LCORL: variants seen among roughly 807,000 people sequenced by gnomAD.
LCORL encodes ligand dependent nuclear receptor corepressor like.
In LCORL, 41 loss-of-function variants were observed where a neutral mutation model predicts 141.8. The ratio of observed to expected loss-of-function variants is 0.29; its 90% CI spans 0.23 to 0.38. The LOEUF (loss-of-function observed/expected upper bound fraction) is 0.38. Among genes scored for constraint, LCORL ranks in the 10% least tolerant of loss-of-function variants. The pLI is 1.00. For synonymous variants in LCORL, 618 were observed against 694.1 expected (o/e 0.89, Z 1.72); for missense variants, 1,759 against 2,035.0 (o/e 0.86, Z 2.61).
intron 4 of LCORL, among the ~76,000 whole-genome samples, chr4:17,956,288 C>T (rs1712611523): frequency 6.6e-6 from 1 of 152,130 alleles, no homozygotes; most frequent in South Asian, 2.1e-4. Context: ...ACCATACAAT[C>T]TAGCAACCCC....
At chr4:17,877,811 A>G (rs1727078148) in exon 7 of LCORL, 12 of 1,230,606 alleles carry the variant, frequency 9.8e-6, no homozygotes, top group Admixed American at 4.2e-5. Flanking sequence ...TGTGAGAATT[A>G]TAACTGTCTG....
At chr4:17,933,623 T>C (rs1229803908) in intron 4 of LCORL, among the ~76,000 whole-genome samples, 2 of 152,122 alleles carry the variant, frequency 1.3e-5, no homozygotes. Flanking sequence ...TTTAACAATA[T>C]ATAATTCACT....
intron 4 of LCORL, among the ~76,000 whole-genome samples, chr4:17,925,544 AC>A (rs1449178047): frequency 6.6e-6 from 1 of 152,062 alleles, no homozygotes; most frequent in Non-Finnish European, 1.5e-5. Flanking sequence ...AGAAATGAGG[AC>A]TTTGTCATAA....
intron 1 of LCORL, among the ~76,000 whole-genome samples, chr4:17,995,916 G>T (rs1341042892): frequency 2.0e-5 from 3 of 152,084 alleles, no homozygotes; most frequent in Non-Finnish European, 4.4e-5. Flanking sequence ...GAATCACTGA[G>T]ATAGATACAT....
At chr4:17,947,108 CT>C (rs1739002793) in intron 4 of LCORL, among the ~76,000 whole-genome samples, 2 of 151,948 alleles carry the variant, frequency 1.3e-5, no homozygotes, top group Non-Finnish European at 2.9e-5. Flanking sequence ...TGGAATCAAG[CT>C]AAGTGTCCAG....
intron 7 of LCORL, among the ~76,000 whole-genome samples, chr4:17,853,495 T>A (rs1445511546): frequency 2.0e-5 from 3 of 152,038 alleles, no homozygotes; most frequent in Non-Finnish European, 4.4e-5. Flanking sequence ...GCTAACAGAG[T>A]ATTCTTTAGG....
At chr4:17,881,270 CAATT>C (rs1727537030) in intron 6 of LCORL, 1 of 982,040 alleles carries the variant, frequency 1.0e-6, no homozygotes, top group African/African-American at 1.8e-5. Context: ...AGAAAATTGT[CAATT>C]AATAAATAGT....
chr4:17,934,064 A>G (rs571911367), intron 4 of LCORL, among the ~76,000 whole-genome samples: 37 of 152,152 alleles, frequency 2.4e-4, no homozygotes, highest in Non-Finnish European at 4.7e-4. Context: ...CCTAGTATCA[A>G]GTACTCAGAC....
chr4:17,897,920 C>T lies in LCORL; in HGVS notation c.682+11174G>A, dbSNP rs541625015. Among the ~76,000 whole-genome samples, 5 of 152,292 alleles carry T rather than the reference C, an allele frequency of 3.3e-5. No homozygotes were observed. In the East Asian group the frequency reaches 9.7e-4, roughly 29 times the overall value. ...CCACACTCCAGGTTTAGGTTCAATGCCACTGAGTTTTCGTTGCTTATAGGC... is the reference window on the plus strand; with the variant it reads ...CCACACTCCAGGTTTAGGTTCAATGTCACTGAGTTTTCGTTGCTTATAGGC... On this transcript the variant is annotated intron_variant, in intron 5 of 7. Transcript: ENST00000635767.
rs1728022761 is a variant in LCORL at position 17,884,457 on chromosome 4, C to T, written c.776+1611G>A. 1 of 1,549,790 alleles carries T rather than the reference C, an allele frequency of 6.5e-7. No individual in the cohort carries two copies. The highest frequency in any genetic ancestry group is 2.0e-5 in the Admixed American group (1 of 50,660). ...TTGAGTTTACTTTTTTCTGTGCGCT[C>T]TGCTTGAGCTCTTGCCCACAAGGCT... On this transcript the variant is annotated intron_variant, in intron 6 of 7. Transcript: ENST00000635767. This position sits in a 1 kb window ranked among gnomAD's most constrained non-coding sequence, Gnocchi z 4.4.
At chr4:17,967,730 A>G (rs1290619667) in intron 2 of LCORL, among the ~76,000 whole-genome samples, 1 of 152,230 alleles carries the variant, frequency 6.6e-6, no homozygotes, top group Non-Finnish European at 1.5e-5. Context: ...TATTACAAGC[A>G]TTATGATGAA....
chr4:17,941,995 C>A (rs1406122796), intron 4 of LCORL, among the ~76,000 whole-genome samples: 2 of 152,078 alleles, frequency 1.3e-5, no homozygotes. Context: ...TGTCTAGAGG[C>A]TATTGTGGAG....
chr4:17,969,028 T>TACAC (rs1302831274), intron 2 of LCORL, among the ~76,000 whole-genome samples: 1 of 152,204 alleles, frequency 6.6e-6, no homozygotes, highest in Non-Finnish European at 1.5e-5. Context: ...TTTGTAAATA[T>TACAC]ACACAGTCAG....
intron 1 of LCORL, among the ~76,000 whole-genome samples, chr4:18,001,725 A>C (rs1721995429): frequency 6.6e-6 from 1 of 152,194 alleles, no homozygotes; most frequent in African/African-American, 2.4e-5. Flanking sequence ...TTAATAAGTG[A>C]CATCTACAAT....
chr4:17,903,895 C>T (rs1731238552), intron 5 of LCORL, among the ~76,000 whole-genome samples: 1 of 151,848 alleles, frequency 6.6e-6, no homozygotes, highest in Non-Finnish European at 1.5e-5. Context: ...ACATTTACAG[C>T]ATTACTATGT....
intron 4 of LCORL, among the ~76,000 whole-genome samples, chr4:17,936,360 GAAAA>G (rs10646952): frequency 2.1e-5 from 2 of 96,454 alleles, no homozygotes; most frequent in African/African-American, 3.4e-5. Flanking sequence ...GTCTCATAAT[GAAAA>G]AAAAAAAAAA....
intron 4 of LCORL, among the ~76,000 whole-genome samples, chr4:17,919,145 AC>A (rs1258362715): frequency 6.6e-6 from 1 of 152,174 alleles, no homozygotes; most frequent in African/African-American, 2.4e-5. Flanking sequence ...AAATTAGATA[AC>A]CTAGATGAAA....
chr4:17,889,736 G>C (rs1728814040), intron 5 of LCORL, among the ~76,000 whole-genome samples: 1 of 151,754 alleles, frequency 6.6e-6, no homozygotes. Flanking sequence ...CCCAGGAATG[G>C]TGGGGGTGGG....
At chr4:17,901,095 G>T (rs1730795549) in intron 5 of LCORL, among the ~76,000 whole-genome samples, 1 of 151,754 alleles carries the variant, frequency 6.6e-6, no homozygotes, top group Admixed American at 6.6e-5. Flanking sequence ...TTGCTACTTG[G>T]TAAGGACAGA....
Sources: allele counts gnomAD v4.1 joint callset (sites outside exome capture counted in the v4.1 genomes callset), GRCh38; gene constraint gnomAD v4.1.1; non-coding constraint Gnocchi (gnomAD v3.1); transcripts MANE v1.5; gene names NCBI Gene and HGNC (gene_info 2026-07-23, HGNC 2026-07-21).